CEP112: variants seen among roughly 807,000 people sequenced by gnomAD.
CEP112 encodes centrosomal protein 112.
CEP112 carries 127 observed loss-of-function variants against 153.0 expected under a neutral mutation model. The ratio of observed to expected loss-of-function variants is 0.83; its 90% CI spans 0.72 to 0.96. CEP112 has a LOEUF of 0.96. Among genes scored for constraint, CEP112 ranks in the 40% least tolerant of loss-of-function variants. CEP112 has a pLI of 0.00. For missense variants in CEP112, 1,089 were observed against 1,101.2 expected (o/e 0.99, Z 0.16); for synonymous variants, 358 against 374.4 (o/e 0.96, Z 0.51).
chr17:66,104,200 A>G (rs1044968746), intron 6 of CEP112, among the ~76,000 whole-genome samples: 13 of 152,176 alleles, frequency 8.5e-5, no homozygotes, highest in African/African-American at 3.1e-4. Flanking sequence ...CACAGTTTGC[A>G]GCTCTGAGAG....
intron 9 of CEP112, 121 bp from the exon 10 acceptor site, chr17:66,066,998 C>A: frequency 4.0e-6 from 2 of 504,338 alleles, no homozygotes; most frequent in Non-Finnish European, 6.3e-6. Flanking sequence ...ACAAATATGA[C>A]TACACTGTGA....
At chr17:65,645,615 C>G (rs749140644) in intron 24 of CEP112, among the ~76,000 whole-genome samples, 6 of 152,172 alleles carry the variant, frequency 3.9e-5, no homozygotes, top group Admixed American at 1.3e-4. Flanking sequence ...TTCTATTTCT[C>G]TATCTCCCTC....
At chr17:66,014,032 G>C (rs887776672) in intron 16 of CEP112, among the ~76,000 whole-genome samples, 2 of 152,212 alleles carry the variant, frequency 1.3e-5, no homozygotes, top group Admixed American at 1.3e-4. Flanking sequence ...AGCAAGTGGG[G>C]GACGGGTACA....
chr17:65,888,042 C>T (rs971222006), intron 20 of CEP112, among the ~76,000 whole-genome samples: 3 of 152,220 alleles, frequency 2.0e-5, no homozygotes, highest in Middle Eastern at 3.4e-3. Context: ...CCAAAAACTC[C>T]CCCAGGGCAT....
chr17:65,757,004 G>A (rs1047577597), intron 21 of CEP112, among the ~76,000 whole-genome samples: 2 of 152,086 alleles, frequency 1.3e-5, no homozygotes, highest in African/African-American at 4.8e-5. Flanking sequence ...AGGTCATAAG[G>A]GTGGGGCCCT....
chr17:65,998,377 C>T (rs1352740231), intron 17 of CEP112, among the ~76,000 whole-genome samples: 1 of 59,558 alleles, frequency 1.7e-5, no homozygotes, highest in Non-Finnish European at 3.1e-5. Flanking sequence ...AGTAAGGCCT[C>T]GTCTCAAAAA....
At chr17:65,829,926 C>T (rs2057009441) in intron 21 of CEP112, among the ~76,000 whole-genome samples, 1 of 152,112 alleles carries the variant, frequency 6.6e-6, no homozygotes. Flanking sequence ...TGTATAGACA[C>T]CCTATTAATG....
chr17:65,795,812 GAAAT>G (rs931391433), intron 21 of CEP112, among the ~76,000 whole-genome samples: 1 of 151,770 alleles, frequency 6.6e-6, no homozygotes, highest in African/African-American at 2.4e-5. Context: ...GCTCTGTCTC[GAAAT>G]AAATAAATAA....
intron 19 of CEP112, among the ~76,000 whole-genome samples, chr17:65,923,239 T>C (rs1327247173): frequency 6.6e-6 from 1 of 152,224 alleles, no homozygotes; most frequent in Non-Finnish European, 1.5e-5. Flanking sequence ...TTTGGCACTG[T>C]TGAAAATGAT....
chr17:66,033,908 G>A lies in CEP112; in HGVS notation c.1219-3885C>T, dbSNP rs186197163. Among the ~76,000 whole-genome samples the A allele has an allele frequency of 2.3e-3, 346 of 152,174 alleles. 3 individuals carry two copies. The highest frequency in any genetic ancestry group is 8.1e-3 in the African/African-American group (335 of 41,502). ...CAAAACAGCTGACCTTGAATGATATGGGTTTGAACTGTATGGGTCCATTTA... is the reference window on the plus strand; with the variant it reads ...CAAAACAGCTGACCTTGAATGATATAGGTTTGAACTGTATGGGTCCATTTA... On this transcript the variant is annotated intron_variant, in intron 12 of 26. Coordinates refer to ENST00000535342, the MANE Select transcript of CEP112 (RefSeq NM_001199165.4).
intron 5 of CEP112, among the ~76,000 whole-genome samples, chr17:66,130,637 G>T (rs1044323466): frequency 3.3e-4 from 50 of 152,018 alleles, no homozygotes; most frequent in African/African-American, 1.2e-3. Flanking sequence ...TTAGCCGGGC[G>T]TGGTGGTGGG....
chr17:66,147,562 C>G (rs1185345561), intron 4 of CEP112, among the ~76,000 whole-genome samples: 1 of 151,518 alleles, frequency 6.6e-6, no homozygotes, highest in Non-Finnish European at 1.5e-5. Context: ...TATATTTGGC[C>G]TCATATCCAA....
chr17:65,945,146 A>G (rs2061611982), intron 18 of CEP112, among the ~76,000 whole-genome samples: 1 of 151,930 alleles, frequency 6.6e-6, no homozygotes. Flanking sequence ...ACTGTTTGTG[A>G]TCTTTGTGGC....
Position 66,177,088 on chromosome 17 carries a change from T to C in CEP112, c.107-68A>G, listed in dbSNP as rs988344359. The C allele has an allele frequency of 2.6e-5, 32 of 1,245,998 alleles. 2 individuals are homozygous for C. The South Asian group carries it at 3.0e-4, about 12-fold the overall frequency. The allele number at this position is 1,245,998 out of a possible 1,614,324, so 77.2% of individuals were successfully genotyped here. On this transcript the variant is annotated intron_variant, in intron 2 of 26. Transcript: ENST00000535342. ...AATGAAACATTCAATTACAAAGACC[T>C]ATAATAGCACCTGCTTTAGTCTAAA...
intron 20 of CEP112, among the ~76,000 whole-genome samples, chr17:65,870,693 T>A (rs1017384074): frequency 1.3e-5 from 2 of 152,190 alleles, no homozygotes; most frequent in African/African-American, 4.8e-5. Flanking sequence ...CTCACTCTGG[T>A]GCAACATCAG....
At chr17:65,999,151 G>A (rs534169437) in intron 17 of CEP112, among the ~76,000 whole-genome samples, 31 of 150,756 alleles carry the variant, frequency 2.1e-4, no homozygotes, top group African/African-American at 6.3e-4. Flanking sequence ...ATAAATGCAA[G>A]AAATATTTAC....
chr17:66,165,220 GTACTGTTCT>G (rs1297578984), intron 4 of CEP112, among the ~76,000 whole-genome samples: 1 of 146,702 alleles, frequency 6.8e-6, no homozygotes, highest in Non-Finnish European at 1.5e-5. Flanking sequence ...TTCGGATCTG[GTACTGTTCT>G]GCCCAACACA....
intron 17 of CEP112, among the ~76,000 whole-genome samples, chr17:65,972,328 T>C (rs977852468): frequency 6.6e-6 from 1 of 152,176 alleles, no homozygotes; most frequent in African/African-American, 2.4e-5. Context: ...AATGAGAAAT[T>C]AGAAAGCATT....
intron 22 of CEP112, among the ~76,000 whole-genome samples, chr17:65,744,079 A>G (rs772156548): frequency 3.3e-5 from 5 of 151,390 alleles, no homozygotes; most frequent in Non-Finnish European, 7.4e-5. Context: ...TCTTTTATAA[A>G]TGAGGAAACA....
Sources: allele counts gnomAD v4.1 joint callset (sites outside exome capture counted in the v4.1 genomes callset), GRCh38; gene constraint gnomAD v4.1.1; transcripts MANE v1.5; gene names NCBI Gene and HGNC (gene_info 2026-07-23, HGNC 2026-07-21).